Variants in OPCML observed in about 807,000 individuals in gnomAD.
OPCML encodes the protein opioid-binding protein/cell adhesion molecule.
Under a neutral mutation model 37.8 loss-of-function variants are expected in OPCML, and 13 were observed. That is an observed-to-expected ratio of 0.34 (90% CI 0.22 to 0.55). The LOEUF (loss-of-function observed/expected upper bound fraction) is 0.55, where lower values mean the gene tolerates loss of function less well. Ranked by LOEUF, OPCML falls within the 20% of genes least tolerant of loss-of-function variation. OPCML has a pLI of 0.91. For missense variants in OPCML, 341 were observed against 435.6 expected, an observed-to-expected ratio of 0.78 and a Z score of 1.93; for synonymous variants, 176 against 168.8, an observed-to-expected ratio of 1.04 and a Z score of -0.33.
At chr11:133,272,423 A>G (rs1379800595) in intron 1 of OPCML, among the ~76,000 whole-genome samples, 1 of 152,210 alleles carries the variant, frequency 6.6e-6, no homozygotes, top group Non-Finnish European at 1.5e-5. Flanking sequence ...ACAAAGCACT[A>G]TATTATGAGG....
chr11:132,506,581 C>A (rs1022489620), intron 4 of OPCML, among the ~76,000 whole-genome samples: 19 of 152,012 alleles, frequency 1.2e-4, no homozygotes, highest in Non-Finnish European at 2.5e-4. Context: ...AAACACAGTG[C>A]CAAGATAGGA....
chr11:133,460,664 A>G (rs185276627), intron 1 of OPCML, among the ~76,000 whole-genome samples: 10 of 152,000 alleles, frequency 6.6e-5, no homozygotes, highest in African/African-American at 2.4e-4. Flanking sequence ...ATTTGAATAG[A>G]CCTATAACTA....
Position 132,715,269 on chromosome 11 carries a change from T to G in OPCML, c.147-57950A>C, listed in dbSNP as rs142600743. 1.7e-3 allele frequency among the ~76,000 whole-genome samples: 264 copies of G among 152,358 alleles called. 1 individual carries two copies. The highest frequency in any genetic ancestry group is 2.8e-3 in the Non-Finnish European group (193 of 68,044). Reference sequence around the variant, plus strand: ...CTGTTCAACACAGACTTACTAAGCATCTACTATGTACCAAGTGTCATATTA... The same window carrying G: ...CTGTTCAACACAGACTTACTAAGCAGCTACTATGTACCAAGTGTCATATTA... On this transcript the variant is annotated intron_variant, in intron 2 of 7. Transcript: ENST00000524381.
chr11:132,951,762 C>CT (rs1304458973), intron 1 of OPCML, among the ~76,000 whole-genome samples: 6 of 152,084 alleles, frequency 3.9e-5, no homozygotes, highest in African/African-American at 1.4e-4. Context: ...CGTCCAAAGG[C>CT]TTTTTTTCTG....
intron 1 of OPCML, among the ~76,000 whole-genome samples, chr11:133,258,990 A>T (rs995438487): frequency 6.6e-6 from 1 of 152,202 alleles, no homozygotes; most frequent in Non-Finnish European, 1.5e-5. Context: ...GGCAGAAGGA[A>T]ACTAAAAATT....
chr11:133,093,331 T>A (rs987140774), intron 1 of OPCML, among the ~76,000 whole-genome samples: 1 of 151,910 alleles, frequency 6.6e-6, no homozygotes, highest in Non-Finnish European at 1.5e-5. Flanking sequence ...CACGGATACA[T>A]GTGCAGAATG....
rs779851965 is a variant in OPCML at position 133,174,780 on chromosome 11, A to G, written c.62-231770T>C. Among the ~76,000 whole-genome samples the G allele has an allele frequency of 6.6e-6, 1 of 152,072 alleles. No homozygotes were observed. The highest frequency in any genetic ancestry group is 1.5e-5 in the Non-Finnish European group (1 of 68,022). On this transcript the variant is annotated intron_variant, in intron 1 of 7. Transcript: ENST00000524381. The surrounding 1 kb of genome is among the most constrained non-coding windows in gnomAD (Gnocchi z 4.6). ...TGTTTTAGTCATTCAACTCTATATT[A>G]TAATTCATTTATGATGAGTGTATAC...
chr11:133,119,695 A>T (rs1365721613), intron 1 of OPCML, among the ~76,000 whole-genome samples: 4 of 152,186 alleles, frequency 2.6e-5, no homozygotes, highest in Non-Finnish European at 5.9e-5. Flanking sequence ...AGGGGAGGCG[A>T]GGAAAACTTC....
At position 133,483,311 on chromosome 11, in the gene OPCML, C is replaced by T. The variant is rs58170624; in HGVS notation, c.61+48953G>A. Among the ~76,000 whole-genome samples, 360 of 148,526 alleles carry T rather than the reference C, an allele frequency of 2.4e-3. 2 individuals are homozygous for T. The highest frequency in any genetic ancestry group is 7.2e-3 in the African/African-American group (286 of 39,890). Reference sequence around the variant, plus strand: ...ATGCGCACTAGAGCTGATAGATAGGCAGATAGATAGATAGATAGATAGATA... The same window carrying T: ...ATGCGCACTAGAGCTGATAGATAGGTAGATAGATAGATAGATAGATAGATA... On this transcript the variant is annotated intron_variant, in intron 1 of 7. Transcript: ENST00000524381.
intron 1 of OPCML, among the ~76,000 whole-genome samples, chr11:132,963,726 A>C (rs1946147033): frequency 6.6e-6 from 1 of 151,784 alleles, no homozygotes; most frequent in Admixed American, 6.6e-5. Context: ...AGCAAATATT[A>C]GCTCTTCTTC....
chr11:133,108,096 G>C (rs1235076576), intron 1 of OPCML, among the ~76,000 whole-genome samples: 1 of 152,094 alleles, frequency 6.6e-6, no homozygotes, highest in Non-Finnish European at 1.5e-5. Context: ...GGCAGGAGAG[G>C]GTTCACTTTA....
chr11:133,439,932 C>A (rs1297041837), intron 1 of OPCML, among the ~76,000 whole-genome samples: 2 of 151,996 alleles, frequency 1.3e-5, no homozygotes, highest in African/African-American at 4.8e-5. Flanking sequence ...ATCCAGAACG[C>A]CATTAATGTA....
intron 1 of OPCML, among the ~76,000 whole-genome samples, chr11:133,253,627 T>A (rs1941214908): frequency 6.6e-6 from 1 of 152,118 alleles, no homozygotes; most frequent in Non-Finnish European, 1.5e-5. Flanking sequence ...ACATTTTAAA[T>A]CTTCATAACA....
At chr11:132,466,604 A>C (rs1301557837) in intron 4 of OPCML, among the ~76,000 whole-genome samples, 1 of 152,234 alleles carries the variant, frequency 6.6e-6, no homozygotes, top group Non-Finnish European at 1.5e-5. Context: ...AGCAAGATAG[A>C]AACAGCTAGC....
At chr11:133,179,878 G>A (rs1029804373) in intron 1 of OPCML, among the ~76,000 whole-genome samples, 2 of 152,146 alleles carry the variant, frequency 1.3e-5, no homozygotes, top group Non-Finnish European at 2.9e-5. Flanking sequence ...GGAGGAGAGC[G>A]GCCAGTGGGT....
chr11:132,422,202 G>A (rs1194692210), intron 7 of OPCML, among the ~76,000 whole-genome samples: 4 of 152,058 alleles, frequency 2.6e-5, no homozygotes, highest in Admixed American at 1.3e-4. Flanking sequence ...CTCCACTCTA[G>A]ACAGAACTCT....
intron 1 of OPCML, among the ~76,000 whole-genome samples, chr11:133,291,725 A>T (rs1010756523): frequency 6.6e-6 from 1 of 152,250 alleles, no homozygotes; most frequent in African/African-American, 2.4e-5. Flanking sequence ...CCCTTCCAGC[A>T]GCCTGGGCAT....
intron 2 of OPCML, among the ~76,000 whole-genome samples, chr11:132,928,244 A>G (rs1591814118): frequency 1.3e-5 from 2 of 152,158 alleles, no homozygotes. Flanking sequence ...GACCCAGTTT[A>G]GATTTAAATG....
At chr11:132,647,931 A>G (rs1265702905) in intron 3 of OPCML, among the ~76,000 whole-genome samples, 5 of 152,248 alleles carry the variant, frequency 3.3e-5, no homozygotes, top group South Asian at 4.1e-4. Flanking sequence ...GTGAACGAAG[A>G]GTAAAAGACT....
Sources: allele counts gnomAD v4.1 joint callset (sites outside exome capture counted in the v4.1 genomes callset), GRCh38; gene constraint gnomAD v4.1.1; non-coding constraint Gnocchi (gnomAD v3.1); transcripts MANE v1.5; gene names NCBI Gene and HGNC (gene_info 2026-07-23, HGNC 2026-07-21).